PHF8: variants seen among roughly 807,000 people sequenced by gnomAD.
PHF8 encodes PHD finger protein 8.
Under a neutral mutation model 74.4 loss-of-function variants are expected in PHF8, and 9 were observed. The ratio of observed to expected loss-of-function variants is 0.12; its 90% confidence interval spans 0.07 to 0.21. The LOEUF is 0.21. PHF8 is among the 10% of genes least tolerant of loss of function. The pLI, the probability that PHF8 is intolerant of heterozygous loss-of-function variation, is 1.00. For missense variants in PHF8, 478 were observed against 816.6 expected (o/e 0.59, Z 5.05); for synonymous variants, 311 against 316.6 (o/e 0.98, Z 0.19).
At chrX:54,002,028 T>C in intron 10 of PHF8, 127 bp downstream of exon 10, 1 of 505,582 alleles carries the variant, frequency 2.0e-6, no homozygotes, top group Non-Finnish European at 3.6e-6. Flanking sequence ...ATGATTTTAA[T>C]TTATATACTG....
At chrX:54,032,368 C>T (rs1184017742) in intron 2 of PHF8, among the ~76,000 whole-genome samples, 1 of 110,518 alleles carries the variant, frequency 9.0e-6, no homozygotes, top group Non-Finnish European at 1.9e-5. Flanking sequence ...TGACCCTTAA[C>T]CTCAGCTTCT....
chrX:53,968,936 A>G (rs1404203579), intron 18 of PHF8, among the ~76,000 whole-genome samples: 1 of 110,641 alleles, frequency 9.0e-6, no homozygotes, highest in East Asian at 2.8e-4. Flanking sequence ...GAACTGATAA[A>G]CAAATTTAGT....
chrX:54,023,742 G>A (rs1460230902), intron 2 of PHF8, among the ~76,000 whole-genome samples: 2 of 106,048 alleles, frequency 1.9e-5, no homozygotes, highest in East Asian at 3.0e-4. Context: ...CATGGAGGCT[G>A]AGCTGGGAGG....
intron 19 of PHF8, among the ~76,000 whole-genome samples, chrX:53,953,273 C>CA (rs782479450): frequency 0.012 from 679 of 55,368 alleles, 6 homozygotes; most frequent in Non-Finnish European, 0.016. Context: ...GACTCCATCT[C>CA]AAAAAAAAAA....
At chrX:53,950,761 T>TA (rs1369324020) in intron 19 of PHF8, among the ~76,000 whole-genome samples, 1 of 112,567 alleles carries the variant, frequency 8.9e-6, no homozygotes, top group Non-Finnish European at 1.9e-5. Context: ...GAAAAGCCAC[T>TA]AAACAAAACA....
At chrX:53,985,488 C>G (rs1197138635) in intron 17 of PHF8, among the ~76,000 whole-genome samples, 2 of 111,465 alleles carry the variant, frequency 1.8e-5, no homozygotes, top group African/African-American at 6.5e-5. Context: ...GGGCACACTT[C>G]CCTCCCTGTT....
At chrX:54,046,232 T>G (rs1419425106), upstream of PHF8, among the ~76,000 whole-genome samples, 1 of 110,895 alleles carries the variant, frequency 9.0e-6, no homozygotes, top group Non-Finnish European at 1.9e-5. Flanking sequence ...CACTGAAAGG[T>G]CCAGGTTTAA....
intron 2 of PHF8, among the ~76,000 whole-genome samples, chrX:54,025,030 C>T (rs1196116447): frequency 1.8e-5 from 2 of 109,807 alleles, no homozygotes; most frequent in African/African-American, 6.6e-5. Flanking sequence ...GCGCCCACCA[C>T]CACGCCCAGC....
chrX:53,967,205 C>T (rs1200614142), intron 18 of PHF8, among the ~76,000 whole-genome samples: 84 of 85,347 alleles, frequency 9.8e-4, no homozygotes, highest in Middle Eastern at 0.01. Context: ...TCTGCCCGGC[C>T]GCCCCTACTG....
intron 2 of PHF8, among the ~76,000 whole-genome samples, chrX:54,029,178 C>A (rs1201847209): frequency 9.0e-6 from 1 of 111,716 alleles, no homozygotes; most frequent in Admixed American, 9.5e-5. Flanking sequence ...CCACTATTAT[C>A]TCTAACTCAG....
intron 4 of PHF8, among the ~76,000 whole-genome samples, chrX:54,019,236 T>C (rs782118654): frequency 3.6e-5 from 4 of 110,354 alleles, no homozygotes; most frequent in African/African-American, 1.3e-4. Flanking sequence ...GGAAGGCAGA[T>C]TGTTTGAGCC....
Position 53,993,710 on chromosome X carries a change from C to T in PHF8, c.1517G>A (p.Arg506Gln), listed in dbSNP as rs183611806. 9 of 1,209,755 alleles carry T rather than the reference C, an allele frequency of 7.4e-6. No individual in the cohort carries two copies. The highest frequency in any genetic ancestry group is 6.5e-5 in the Admixed American group (3 of 45,941). The change falls in exon 13 of 22, where the codon CGA (arginine) becomes CAA (glutamine). Residue 506 changes from arginine to glutamine, a missense_variant. Arg to Gln is a conservative substitution (Grantham distance 43). Around this residue, in one of 9 missense-constraint regions of PHF8, gnomAD observed 153 missense variants for 164.8 expected, o/e 0.93. Transcript: ENST00000338154. ...KPKELFKKAE[R>Q]KGKESSALGP... ...CAAGGCTGAACTCTCCTTGCCCTTT[C>T]GCTCTGCCTTCTTGAAGAGTTCCTT...
In PHF8 at chrX:54,042,745, A is replaced by G; in HGVS notation, c.-17T>C. The G allele has an allele frequency of 1.7e-6, 2 of 1,202,152 alleles. No individual in the cohort carries two copies. Among genetic ancestry groups the G allele is most frequent in the African/African-American group, 1.7e-5 (1 of 57,615 alleles). On this transcript the variant is annotated 5_prime_UTR_variant, in exon 2 of 22. Coordinates refer to ENST00000338154, the MANE Select transcript of PHF8 (RefSeq NM_015107.3). Reference sequence around the variant, plus strand: ...CGAGGCCATCTTCGCTCGGCCCTGGAGCGTTCTGCGGCCGGCCAGGTTCGT... The same window carrying G: ...CGAGGCCATCTTCGCTCGGCCCTGGGGCGTTCTGCGGCCGGCCAGGTTCGT...
At position 53,992,851 on chromosome X, in the gene PHF8, G is replaced by A. The variant is rs782213678; in HGVS notation, c.1627-12C>T. 1 of 1,101,079 alleles carries A rather than the reference G, an allele frequency of 9.1e-7. No homozygotes were observed. The highest frequency in any genetic ancestry group is 3.0e-5 in the East Asian group (1 of 33,345). The allele number at this position is 1,101,079 out of a possible 1,213,427, so 90.7% of individuals were successfully genotyped here. A position where few individuals can be genotyped will look rare whatever the true frequency, so the allele number is the denominator to read the frequency against. ...CCAGTGATGTTGAACTGTAGAAGTA[G>A]GAGACTCAGCCGTTACCTGTCTGGG... On this transcript the variant is annotated splice_polypyrimidine_tract_variant and intron_variant, in intron 13 of 21. Transcript: ENST00000338154.
chrX:54,022,517 C>A, intron 3 of PHF8, 150 bp from the exon 4 acceptor site: 1 of 525,824 alleles, frequency 1.9e-6, no homozygotes. Context: ...CAGGAAAGTT[C>A]CTGGTGAAGA....
At chrX:53,992,929 C>G (rs1250072698) in intron 13 of PHF8, 90 bp from the exon 14 acceptor site, 1 of 625,003 alleles carries the variant, frequency 1.6e-6, no homozygotes, top group Non-Finnish European at 2.6e-6. Flanking sequence ...TGGTTCAGTT[C>G]ACTGTCAAAA....
intron 4 of PHF8, 110 bp from the exon 5 acceptor site, chrX:54,017,931 G>T: frequency 2.8e-6 from 2 of 701,854 alleles, no homozygotes; most frequent in South Asian, 2.4e-5. Flanking sequence ...GACTTAATGT[G>T]AGCTGGCAAC....
intron 19 of PHF8, among the ~76,000 whole-genome samples, chrX:53,960,521 G>A (rs941346956): frequency 7.4e-5 from 8 of 108,196 alleles, no homozygotes; most frequent in South Asian, 4.2e-4. Flanking sequence ...AGGCTGAAGC[G>A]GGCAGATCAT....
intron 18 of PHF8, among the ~76,000 whole-genome samples, chrX:53,983,807 A>G (rs1174895869): frequency 2.7e-5 from 3 of 112,366 alleles, no homozygotes; most frequent in Non-Finnish European, 5.6e-5. Flanking sequence ...CAGCAGATAG[A>G]TCTCTGTATT....
Sources: allele counts gnomAD v4.1 joint callset (sites outside exome capture counted in the v4.1 genomes callset), GRCh38; gene constraint gnomAD v4.1.1; regional missense constraint gnomAD v4.1.1; transcripts MANE v1.5; gene names NCBI Gene and HGNC (gene_info 2026-07-23, HGNC 2026-07-21).